Variants in KCNQ5 observed in about 807,000 individuals in gnomAD.
KCNQ5 encodes potassium voltage-gated channel subfamily KQT member 5.
A neutral mutation model predicts 98.2 loss-of-function variants in KCNQ5; 30 were observed. The observed-to-expected ratio is 0.31, with a 90% CI of 0.23 to 0.41. The LOEUF is 0.41. Among genes scored for constraint, KCNQ5 ranks in the 10% least tolerant of loss-of-function variants. The probability of loss-of-function intolerance (pLI) is 1.00; values close to 1 mark genes in which losing one functional copy is unlikely to be tolerated. For synonymous variants in KCNQ5, 458 were observed against 449.4 expected (o/e 1.02, Z -0.24); for missense variants, 835 against 1,182.5 (o/e 0.71, Z 4.31).
chr6:72,996,531 C>A (rs1769307986), intron 1 of KCNQ5, among the ~76,000 whole-genome samples: 1 of 152,152 alleles, frequency 6.6e-6, no homozygotes, highest in Non-Finnish European at 1.5e-5. Context: ...GAAGTAGGGT[C>A]CAAGTACACA....
At chr6:72,651,042 T>C (rs547019524) in intron 1 of KCNQ5, among the ~76,000 whole-genome samples, 90 of 152,196 alleles carry the variant, frequency 5.9e-4, no homozygotes, top group African/African-American at 2.1e-3. Flanking sequence ...GTTTTGTAAA[T>C]GATAAATTGT....
At chr6:72,678,039 G>T (rs71573560) in intron 1 of KCNQ5, among the ~76,000 whole-genome samples, 3,576 of 152,228 alleles carry the variant, frequency 0.023, 64 homozygotes, top group Middle Eastern at 0.034. Flanking sequence ...TGTGGTTAGA[G>T]GCCTGTTAGC....
chr6:72,647,467 A>G (rs78556940), intron 1 of KCNQ5, among the ~76,000 whole-genome samples: 9,365 of 152,142 alleles, frequency 0.062, 682 homozygotes, highest in African/African-American at 0.18. Context: ...AAACGAAAAA[A>G]AAAGAAAAAA....
chr6:72,784,586 C>T (rs1773642578), intron 1 of KCNQ5, among the ~76,000 whole-genome samples: 1 of 152,164 alleles, frequency 6.6e-6, no homozygotes, highest in Non-Finnish European at 1.5e-5. Flanking sequence ...CAGGGTCTTG[C>T]AGGACTGGGG....
chr6:72,735,258 C>T (rs1347663519), intron 1 of KCNQ5, among the ~76,000 whole-genome samples: 1 of 152,156 alleles, frequency 6.6e-6, no homozygotes, highest in Non-Finnish European at 1.5e-5. Context: ...TTATACAGTT[C>T]AGGACATGTA....
rs1338333716 is a variant in KCNQ5, at chr6:73,077,328, T to C, written c.623T>C (p.Ile208Thr). Residue 208 changes from isoleucine to threonine, a missense_variant, in exon 4 of 14, where the codon ATT becomes ACT. Physicochemically the swap from Ile to Thr is moderately conservative, Grantham distance 89 (BLOSUM62 -1). This residue lies in a region of KCNQ5 where 48 missense variants were observed against 112.1 expected (regional missense o/e 0.43). Coordinates refer to ENST00000370398, the MANE Select transcript of KCNQ5 (RefSeq NM_019842.4). ...TTCGACCTGTTTCTTTCAGATACCA[T>C]TGTTCTTATCGCTTCAATAGCAGTT... ...ARKPFCVIDT[I>T]VLIASIAVVS... 1 of 1,613,738 alleles carries C rather than the reference T, an allele frequency of 6.2e-7. No homozygotes were observed. The highest frequency in any genetic ancestry group is 8.5e-7 in the Non-Finnish European group (1 of 1,179,876).
At chr6:73,017,981 C>G (rs1267251604) in intron 2 of KCNQ5, among the ~76,000 whole-genome samples, 1 of 152,108 alleles carries the variant, frequency 6.6e-6, no homozygotes, top group Non-Finnish European at 1.5e-5. Context: ...TCACTCCCCA[C>G]CCCTTACTCT....
chr6:73,032,671 A>T (rs1241629235), intron 2 of KCNQ5, among the ~76,000 whole-genome samples: 2 of 152,188 alleles, frequency 1.3e-5, no homozygotes, highest in African/African-American at 4.8e-5. Flanking sequence ...ATCATAACAG[A>T]ATACATATCT....
intron 1 of KCNQ5, among the ~76,000 whole-genome samples, chr6:72,859,251 A>G (rs1777659467): frequency 6.6e-6 from 1 of 152,164 alleles, no homozygotes; most frequent in African/African-American, 2.4e-5. Flanking sequence ...CCTTTTAACT[A>G]CATATGCCTA....
intron 3 of KCNQ5, among the ~76,000 whole-genome samples, chr6:73,057,020 C>T (rs943775371): frequency 6.6e-6 from 1 of 152,110 alleles, no homozygotes; most frequent in African/African-American, 2.4e-5. Context: ...TATAAAGACA[C>T]ATGCACATGT....
chr6:72,985,850 A>G (rs1218450842), intron 1 of KCNQ5, among the ~76,000 whole-genome samples: 1 of 152,194 alleles, frequency 6.6e-6, no homozygotes, highest in African/African-American at 2.4e-5. Context: ...CCAAAAAGAC[A>G]TATGTACTCC....
At chr6:72,970,625 G>A (rs1767842993) in intron 1 of KCNQ5, among the ~76,000 whole-genome samples, 1 of 152,112 alleles carries the variant, frequency 6.6e-6, no homozygotes, top group South Asian at 2.1e-4. Flanking sequence ...AACCAAAACA[G>A]CATGGTACTG....
intron 2 of KCNQ5, among the ~76,000 whole-genome samples, chr6:73,015,191 A>AATG (rs1342215104): frequency 2.6e-5 from 4 of 152,104 alleles, no homozygotes; most frequent in Non-Finnish European, 4.4e-5. Context: ...ACATCCCTAT[A>AATG]ATTTACTGCA....
At chr6:72,666,614 A>G (rs1397534016) in intron 1 of KCNQ5, among the ~76,000 whole-genome samples, 1 of 152,158 alleles carries the variant, frequency 6.6e-6, no homozygotes, top group Non-Finnish European at 1.5e-5. Context: ...TTTGTAATGA[A>G]ATTATTCAAA....
intron 1 of KCNQ5, among the ~76,000 whole-genome samples, chr6:72,964,581 A>G (rs1244374793): frequency 6.6e-6 from 1 of 152,236 alleles, no homozygotes; most frequent in Non-Finnish European, 1.5e-5. Context: ...CTCTTATATA[A>G]TTTAATAACA....
At chr6:72,850,783 A>G (rs1777221094) in intron 1 of KCNQ5, among the ~76,000 whole-genome samples, 1 of 152,140 alleles carries the variant, frequency 6.6e-6, no homozygotes, top group Non-Finnish European at 1.5e-5. Context: ...ATTAATATGT[A>G]TCCCTGACTC....
chr6:72,660,548 T>C (rs1335165040), intron 1 of KCNQ5, among the ~76,000 whole-genome samples: 1 of 152,184 alleles, frequency 6.6e-6, no homozygotes, highest in African/African-American at 2.4e-5. Context: ...TAGTTAGCAG[T>C]ACACTGAGTA....
intron 1 of KCNQ5, among the ~76,000 whole-genome samples, chr6:72,826,672 G>C (rs551056569): frequency 6.6e-6 from 1 of 152,056 alleles, no homozygotes; most frequent in South Asian, 2.1e-4. Flanking sequence ...GATCAGAACA[G>C]GGTAATTTGC....
intron 1 of KCNQ5, among the ~76,000 whole-genome samples, chr6:72,703,651 GT>G (rs987929805): frequency 6.6e-6 from 1 of 152,224 alleles, no homozygotes; most frequent in African/African-American, 2.4e-5. Context: ...AAAGTAGCAA[GT>G]TTAGGTGGTG....
Sources: gnomAD v4.1 joint callset for allele counts (sites outside exome capture counted in the v4.1 genomes callset) on GRCh38, gnomAD v4.1.1 for gene constraint, gnomAD v4.1.1 regional missense constraint, MANE v1.5 for transcripts, NCBI Gene and HGNC (gene_info 2026-07-23, HGNC 2026-07-21) for gene names.